SCP2: variants seen among roughly 807,000 people sequenced by gnomAD.
The protein encoded by SCP2 is SCP-2/3-oxoacyl-CoA thiolase.
Under a neutral mutation model 71.4 loss-of-function variants are expected in SCP2, and 48 were observed. The ratio of observed to expected loss-of-function variants is 0.67; its 90% CI spans 0.53 to 0.86. The LOEUF (loss-of-function observed/expected upper bound fraction) is 0.86. SCP2 is among the 40% of genes least tolerant of loss of function. SCP2 has a pLI of 0.00. For missense variants in SCP2, 560 were observed against 655.6 expected, an observed-to-expected ratio of 0.85 and a Z score of 1.59; for synonymous variants, 220 against 218.1, an observed-to-expected ratio of 1.01 and a Z score of -0.08.
chr1:53,048,906 T>C (rs1366222432), intron 15 of SCP2: 1 of 152,244 alleles, frequency 6.6e-6, no homozygotes, highest in Non-Finnish European at 1.5e-5. Flanking sequence ...TTCTGTTGTC[T>C]CAGTCTGGTT....
intron 11 of SCP2, chr1:52,993,674 G>A: frequency 6.2e-7 from 1 of 1,612,172 alleles, no homozygotes; most frequent in Non-Finnish European, 8.5e-7. Context: ...ATCTTCATTG[G>A]TTGGATCATA....
intron 6 of SCP2, among the ~76,000 whole-genome samples, chr1:52,964,014 T>C (rs933691652): frequency 3.9e-5 from 6 of 152,136 alleles, no homozygotes; most frequent in African/African-American, 1.4e-4. Flanking sequence ...TTTTCATTTG[T>C]GCTTGGCTTT....
At position 52,941,730 on chromosome 1, in the gene SCP2, G is replaced by A. The variant is rs112730084; in HGVS notation, c.70-66G>A. 4,189 of 994,150 alleles carry A rather than the reference G, an allele frequency of 4.2e-3. 118 individuals carry two copies. In the African/African-American group the frequency reaches 0.066, roughly 16 times the overall value. The allele number at this position is 994,150 out of a possible 1,614,324, so 61.6% of individuals were successfully genotyped here. A position where few individuals can be genotyped will look rare whatever the true frequency, so the allele number is the denominator to read the frequency against. On this transcript the variant is annotated intron_variant, in intron 1 of 15. Transcript: ENST00000371514. ...AGCCTGGGTAACAGAGCAAGACTCCGTCTCAAAAAAAAAAAAAAATGTAAC... is the reference window on the plus strand; with the variant it reads ...AGCCTGGGTAACAGAGCAAGACTCCATCTCAAAAAAAAAAAAAAATGTAAC...
chr1:52,961,066 C>CTTTTTTT (rs774047289), intron 5 of SCP2, among the ~76,000 whole-genome samples: 9 of 92,178 alleles, frequency 9.8e-5, no homozygotes, highest in South Asian at 3.9e-4. Context: ...TCCTTTGGTT[C>CTTTTTTT]TTTTTTTTTT....
chr1:53,006,312 C>T (rs2150216819), intron 11 of SCP2, among the ~76,000 whole-genome samples: 1 of 152,132 alleles, frequency 6.6e-6, no homozygotes, highest in East Asian at 1.9e-4. Context: ...AGAGCAACTC[C>T]AAGACACGTA....
chr1:53,038,897 A>T lies in SCP2; in HGVS notation c.1339-20A>T, dbSNP rs145821714. 2.5e-6 allele frequency: 4 copies of T among 1,613,484 alleles called. No homozygotes were observed. The highest frequency in any genetic ancestry group is 2.2e-5 in the East Asian group (1 of 44,880). On this transcript the variant is annotated intron_variant, in intron 13 of 15. Transcript: ENST00000371514. The stretch of plus-strand genomic sequence containing the variant: ...AGAGAAATGGACTTAATGTAACCCC[A>T]GTGTTATTTTTCTTTCCAGGAAGGG...
chr1:52,937,041 C>T (rs920687479), intron 1 of SCP2, among the ~76,000 whole-genome samples: 3 of 151,566 alleles, frequency 2.0e-5, no homozygotes, highest in African/African-American at 4.9e-5. Flanking sequence ...AAGCAAACAC[C>T]GAGAATTAAA....
intron 13 of SCP2, among the ~76,000 whole-genome samples, chr1:53,036,165 ATAT>A (rs34569901): frequency 0.32 from 47,567 of 150,704 alleles, 12,546 homozygotes; most frequent in African/African-American, 0.72. Context: ...ATTATGTAGA[ATAT>A]TATTAGTGAC....
Position 52,950,782 on chromosome 1 carries a change from T to G in SCP2, c.227T>G (p.Ile76Ser). The G allele has an allele frequency of 6.2e-7, 1 of 1,613,814 alleles. No homozygotes were observed. The change falls in exon 4 of 16, where the codon ATC becomes AGC. Residue 76 changes from isoleucine to serine, a missense_variant. Ile to Ser is a moderately radical substitution (Grantham distance 142, BLOSUM62 -2). Coordinates refer to ENST00000371514, the MANE Select transcript of SCP2 (RefSeq NM_002979.5). ...GACTCTACCTGTGGGCAGAGGGCTATCTATCACAGTTTGGGAATGACTGGA... is the reference window on the plus strand; with the variant it reads ...GACTCTACCTGTGGGCAGAGGGCTAGCTATCACAGTTTGGGAATGACTGGA... The part of the protein sequence containing the change: ...FGDSTCGQRA[I>S]YHSLGMTGIP...
At chr1:53,036,627 A>G (rs537740926) in intron 13 of SCP2, among the ~76,000 whole-genome samples, 58 of 149,850 alleles carry the variant, frequency 3.9e-4, no homozygotes, top group Non-Finnish European at 7.5e-4. Context: ...TTTCTGTTTA[A>G]TATAATTAAA....
At chr1:53,029,840 A>G (rs1221328585) in intron 13 of SCP2, among the ~76,000 whole-genome samples, 2 of 151,690 alleles carry the variant, frequency 1.3e-5, no homozygotes, top group African/African-American at 4.8e-5. Context: ...TTTATAACCT[A>G]TGTTTTTCTT....
intron 12 of SCP2, among the ~76,000 whole-genome samples, chr1:53,025,782 C>T (rs1662087241): frequency 6.6e-6 from 1 of 152,240 alleles, no homozygotes; most frequent in South Asian, 2.1e-4. Context: ...CATCGTCATT[C>T]GTTCAGCACA....
intron 12 of SCP2, among the ~76,000 whole-genome samples, chr1:53,021,048 C>T (rs1419156934): frequency 6.6e-6 from 1 of 151,992 alleles, no homozygotes; most frequent in Admixed American, 6.6e-5. Context: ...CTCTGTCATC[C>T]AGGCTGGATT....
At chr1:53,022,403 T>TAGTG (rs1661814568) in intron 12 of SCP2, among the ~76,000 whole-genome samples, 1 of 152,250 alleles carries the variant, frequency 6.6e-6, no homozygotes, top group Non-Finnish European at 1.5e-5. Context: ...AGTGGTTGTG[T>TAGTG]AGTGGTATTT....
intron 5 of SCP2, among the ~76,000 whole-genome samples, chr1:52,960,502 G>GTATATA (rs1656253938): frequency 4.1e-5 from 6 of 148,016 alleles, no homozygotes; most frequent in African/African-American, 1.3e-4. Flanking sequence ...GTGTGTGTGT[G>GTATATA]TGTGTGTGTG....
At chr1:52,947,371 T>C (rs1654906342) in intron 2 of SCP2, among the ~76,000 whole-genome samples, 1 of 151,988 alleles carries the variant, frequency 6.6e-6, no homozygotes. Context: ...ATACTTCAAG[T>C]TTTTGATTTG....
chr1:52,987,081 T>G (rs1048567251), intron 10 of SCP2, among the ~76,000 whole-genome samples: 1 of 150,684 alleles, frequency 6.6e-6, no homozygotes, highest in African/African-American at 2.4e-5. Context: ...TGGCTAATTT[T>G]TGTATTTTTA....
At chr1:53,037,312 C>T (rs902556557) in intron 13 of SCP2, among the ~76,000 whole-genome samples, 7 of 152,070 alleles carry the variant, frequency 4.6e-5, no homozygotes, top group Non-Finnish European at 7.4e-5. Flanking sequence ...TTGTTGTCCT[C>T]CTTTTGTTAT....
chr1:52,995,168 T>A, intron 11 of SCP2: 1 of 490,828 alleles, frequency 2.0e-6, no homozygotes, highest in Non-Finnish European at 4.1e-6. Context: ...ACTCTCTTTA[T>A]CAGCAAGATC....
Sources: gnomAD v4.1 joint callset for allele counts (sites outside exome capture counted in the v4.1 genomes callset) on GRCh38, gnomAD v4.1.1 for gene constraint, MANE v1.5 for transcripts, NCBI Gene and HGNC (gene_info 2026-07-23, HGNC 2026-07-21) for gene names.